NRXN2: variants seen among roughly 807,000 people sequenced by gnomAD.
NRXN2 encodes neurexin 2, also known as neurexin-2-beta.
In NRXN2, 29 loss-of-function variants were observed where a neutral mutation model predicts 128.8. The ratio of observed to expected loss-of-function variants is 0.23; its 90% confidence interval spans 0.17 to 0.31. NRXN2 has a LOEUF of 0.31. Among genes scored for constraint, NRXN2 ranks in the 10% least tolerant of loss-of-function variants. The pLI, the probability that NRXN2 is intolerant of heterozygous loss-of-function variation, is 1.00. For missense variants in NRXN2, 1,881 were observed against 2,452.6 expected (o/e 0.77, Z 4.92); for synonymous variants, 1,098 against 1,075.2 (o/e 1.02, Z -0.41).
rs1186006474 is a variant in NRXN2, at chr11:64,607,044, T to G, written c.*152A>C. ...AGGAGGAAGGGGGCGAGCACGGGGT[T>G]TTTCCTTTTCTTTTTTTGCGTTTCC... On this transcript the variant is annotated 3_prime_UTR_variant, in exon 23 of 23. Transcript: ENST00000265459. The G allele has an allele frequency of 1.9e-5, 15 of 810,562 alleles. No homozygotes were observed. The highest frequency in any genetic ancestry group is 3.7e-4 in the Middle Eastern group (1 of 2,698). The allele number at this position is 810,562 out of a possible 1,614,324, so 50.2% of individuals were successfully genotyped here. A position where few individuals can be genotyped will look rare whatever the true frequency, so the allele number is the denominator to read the frequency against.
Position 64,648,265 on chromosome 11 carries a change from G to A in NRXN2, c.3357C>T (p.Thr1119=). The A allele has an allele frequency of 6.2e-7, 1 of 1,614,226 alleles. No homozygotes were observed. The highest frequency in any genetic ancestry group is 8.5e-7 in the Non-Finnish European group (1 of 1,180,036). ...CATAGGAAGTCATGGTGCAGTCGCA[G>A]GTGAAGCCATCCCACTGCTGCAAGC... ...GVCLQQWDGF[T]CDCTMTSYGG... Residue 1119 remains threonine (T), a synonymous_variant, in exon 17 of 23, where the codon ACC becomes ACT. Coordinates refer to ENST00000265459, the MANE Select transcript of NRXN2 (RefSeq NM_015080.4). The surrounding 1 kb of genome is among the most constrained non-coding windows in gnomAD (Gnocchi z 4.1).
chr11:64,630,195 C>T lies in NRXN2; in HGVS notation c.3757+207G>A, dbSNP rs185449485. ...GGGCGCATTCGCACCACCACGGTCT[C>T]GCCCCGCCGCCACAAATCCCGACTT... On this transcript the variant is annotated intron_variant, in intron 19 of 22. Transcript: ENST00000265459. The surrounding 1 kb of genome is among the most constrained non-coding windows in gnomAD (Gnocchi z 4.6). 4.9e-3 allele frequency among the ~76,000 whole-genome samples: 750 copies of T among 152,172 alleles called. 4 individuals carry two copies. The highest frequency in any genetic ancestry group is 0.017 in the African/African-American group (711 of 41,522).
chr11:64,692,255 C>T (rs758786718), intron 4 of NRXN2, among the ~76,000 whole-genome samples: 1 of 152,084 alleles, frequency 6.6e-6, no homozygotes. Flanking sequence ...AGGGTGAAGG[C>T]GTGCGGGTGG....
rs989907911 is a variant in NRXN2, at chr11:64,622,391, T to C, written c.4173+362A>G. Among the ~76,000 whole-genome samples the C allele has an allele frequency of 3.9e-5, 6 of 152,160 alleles. No individual in the cohort carries two copies. Among genetic ancestry groups the C allele is most frequent in the African/African-American group, 1.4e-4 (6 of 41,424 alleles). On this transcript the variant is annotated intron_variant, in intron 21 of 22. Coordinates refer to ENST00000265459, the MANE Select transcript of NRXN2 (RefSeq NM_015080.4). This position sits in a 1 kb window ranked among gnomAD's most constrained non-coding sequence, Gnocchi z 4.3. ...CCCACACAGAACGCTAGGCATGGCC[T>C]TCACTGGGGAAGCAGAAGGAGCCAT...
rs1018850019 is a variant in NRXN2 at position 64,667,342 on chromosome 11, A to G, written c.1706T>C (p.Met569Thr). Residue 569 changes from methionine (M) to threonine (T), a missense_variant, in exon 9 of 23, where the codon ATG becomes ACG. By Grantham distance (81) the Met-to-Thr change is moderately conservative. This residue lies in a region of NRXN2 where 997 missense variants were observed against 1,240.8 expected (regional missense o/e 0.80). Transcript: ENST00000265459. The surrounding 1 kb of genome is among the most constrained non-coding windows in gnomAD (Gnocchi z 5.6). Reference sequence around the variant, plus strand: ...CCGCAGCTTGATGCCCCCAGATCCCATGTCCAGCAGAAGATAGAGGTGGCC... The same window carrying G: ...CCGCAGCTTGATGCCCCCAGATCCCGTGTCCAGCAGAAGATAGAGGTGGCC... ...LDGHLYLLLD[M>T]GSGGIKLRAS... 8 of 1,614,064 alleles carry G rather than the reference A, an allele frequency of 5.0e-6. No individual in the cohort carries two copies. Among genetic ancestry groups the G allele is most frequent in the Admixed American group, 3.3e-5 (2 of 60,004 alleles).
At chr11:64,663,180 G>A (rs2049298759) in intron 9 of NRXN2, among the ~76,000 whole-genome samples, 1 of 151,980 alleles carries the variant, frequency 6.6e-6, no homozygotes, top group African/African-American at 2.4e-5. Context: ...GACCAGCCTG[G>A]CCAACATGGT....
Position 64,667,311 on chromosome 11 carries a change from G to A in NRXN2, c.1737C>T (p.Ser579=). The part of the protein sequence containing the change: ...MGSGGIKLRA[S]SRKVNDGEWC... ...ACTCGCCATCATTGACCTTGCGGCT[G>A]GATGCCCGCAGCTTGATGCCCCCAG... The change falls in exon 9 of 23, where the codon TCC becomes TCT. Residue 579 remains serine (S), a synonymous_variant. Transcript: ENST00000265459. The surrounding 1 kb of genome is among the most constrained non-coding windows in gnomAD (Gnocchi z 5.6). The A allele has an allele frequency of 6.2e-7, 1 of 1,614,246 alleles. No homozygotes were observed. Among genetic ancestry groups the A allele is most frequent in the Non-Finnish European group, 8.5e-7 (1 of 1,180,056 alleles).
At chr11:64,620,664 A>G (rs1054504387) in intron 21 of NRXN2, among the ~76,000 whole-genome samples, 9 of 149,766 alleles carry the variant, frequency 6.0e-5, no homozygotes, top group African/African-American at 2.2e-4. Flanking sequence ...AGTGGACGCC[A>G]GACTTTGACC....
At chr11:64,639,923 CTG>C (rs905700181) in intron 17 of NRXN2, among the ~76,000 whole-genome samples, 4 of 152,130 alleles carry the variant, frequency 2.6e-5, no homozygotes, top group Non-Finnish European at 4.4e-5. Flanking sequence ...CAAGAAGAGC[CTG>C]TCTTTTCACC....
chr11:64,692,896 G>A lies in NRXN2; in HGVS notation c.749-20C>T, dbSNP rs754764293. The A allele has an allele frequency of 6.4e-7, 1 of 1,562,548 alleles. No homozygotes were observed. The highest frequency in any genetic ancestry group is 8.8e-7 in the Non-Finnish European group (1 of 1,139,032). On this transcript the variant is annotated intron_variant, in intron 3 of 22. Coordinates refer to ENST00000265459, the MANE Select transcript of NRXN2 (RefSeq NM_015080.4). ...CCGGACCTTGGAAAGGGGAAGGAGA[G>A]AAAGAAAGAAAGAAAAAAAGAAGAA...
At chr11:64,721,513 C>T (rs778500516) in intron 1 of NRXN2, among the ~76,000 whole-genome samples, 1 of 152,010 alleles carries the variant, frequency 6.6e-6, no homozygotes, top group Non-Finnish European at 1.5e-5. Flanking sequence ...CCAGCCACAC[C>T]TCAGATGCCA....
At chr11:64,627,489 T>G (rs2043238896) in intron 19 of NRXN2, among the ~76,000 whole-genome samples, 1 of 152,044 alleles carries the variant, frequency 6.6e-6, no homozygotes, top group South Asian at 2.1e-4. Context: ...GACCTCATCT[T>G]GCTCACCCTG....
Position 64,630,297 on chromosome 11 carries a change from C to A in NRXN2, c.3757+105G>T. On this transcript the variant is annotated intron_variant, in intron 19 of 22. Coordinates refer to ENST00000265459, the MANE Select transcript of NRXN2 (RefSeq NM_015080.4). The surrounding 1 kb of genome is among the most constrained non-coding windows in gnomAD (Gnocchi z 4.6). ...GTAGCCCCGCCCCAGAGCCGCTTAG[C>A]CCCGCCCCAGAGCCGCTTAGCCCCG... The A allele has an allele frequency of 5.4e-6, 6 of 1,119,490 alleles. No homozygotes were observed. In the South Asian group the frequency reaches 9.5e-5, roughly 18 times the overall value. The allele number at this position is 1,119,490 out of a possible 1,614,324, so 69.3% of individuals were successfully genotyped here. A position where few individuals can be genotyped will look rare whatever the true frequency, so the allele number is the denominator to read the frequency against.
rs752199053 is a variant in NRXN2 at position 64,607,795 on chromosome 11, A to G, written c.4540T>C (p.Tyr1514His). Residue 1514 changes from tyrosine to histidine, a missense_variant, in exon 23 of 23, where the codon TAC (tyrosine) becomes CAC (histidine). Around this residue, in one of 7 missense-constraint regions of NRXN2, gnomAD observed 310 missense variants for 318.2 expected, o/e 0.97. Coordinates refer to ENST00000265459, the MANE Select transcript of NRXN2 (RefSeq NM_015080.4). The stretch of plus-strand genomic sequence containing the variant: ...TCCGTGACCAGGGGAAAGGTGGTGT[A>G]AAAGTCCTCGTCGTCCGTGGGGGGG... ...SLPPTDDEDF[Y>H]TTFPLVTDRT... 6 of 1,600,574 alleles carry G rather than the reference A, an allele frequency of 3.7e-6. No individual in the cohort carries two copies. The highest frequency in any genetic ancestry group is 5.1e-6 in the Non-Finnish European group (6 of 1,174,174).
intron 22 of NRXN2, among the ~76,000 whole-genome samples, chr11:64,617,979 G>A (rs150416894): frequency 1.3e-5 from 2 of 152,258 alleles, no homozygotes; most frequent in Non-Finnish European, 2.9e-5. Context: ...TTAAAGCTGG[G>A]TGCTGGAATG....
In NRXN2 at chr11:64,722,963, C is replaced by A. The variant is rs1369745673; in HGVS notation, c.-245+8G>T. 105 of 53,524 alleles carry A rather than the reference C, an allele frequency of 2.0e-3. No homozygotes were observed. Among genetic ancestry groups the A allele is most frequent in the African/African-American group, 4.7e-3 (90 of 19,104 alleles). The allele number at this position is 53,524 out of a possible 1,614,324, so 3.3% of individuals were successfully genotyped here. ...CTCCGCCGCAGCGCCCCCCCCCCCCCATTTTACCTGGTTCTCGGGGCGCCA... is the reference window on the plus strand; with the variant it reads ...CTCCGCCGCAGCGCCCCCCCCCCCCAATTTTACCTGGTTCTCGGGGCGCCA... On this transcript the variant is annotated splice_region_variant and intron_variant, in intron 1 of 22. Coordinates refer to ENST00000265459, the MANE Select transcript of NRXN2 (RefSeq NM_015080.4).
chr11:64,608,928 A>G (rs943440614), intron 22 of NRXN2, among the ~76,000 whole-genome samples: 2 of 152,052 alleles, frequency 1.3e-5, no homozygotes, highest in Non-Finnish European at 2.9e-5. Context: ...AGGGATTGCT[A>G]CATGGGTGAG....
intron 22 of NRXN2, among the ~76,000 whole-genome samples, chr11:64,616,176 C>T (rs1379082239): frequency 6.6e-6 from 1 of 152,180 alleles, no homozygotes. Flanking sequence ...CCCTGTGAGT[C>T]TTACCCAGGT....
At chr11:64,680,426 G>A (rs552084924) in intron 6 of NRXN2, among the ~76,000 whole-genome samples, 40 of 152,250 alleles carry the variant, frequency 2.6e-4, no homozygotes, top group African/African-American at 9.4e-4. Flanking sequence ...ATCCAAGAAC[G>A]ACAGAAGCAC....
Sources: gnomAD v4.1 joint callset for allele counts (sites outside exome capture counted in the v4.1 genomes callset) on GRCh38, gnomAD v4.1.1 for gene constraint, gnomAD v4.1.1 regional missense constraint, Gnocchi (gnomAD v3.1) non-coding constraint, MANE v1.5 for transcripts, NCBI Gene and HGNC (gene_info 2026-07-23, HGNC 2026-07-21) for gene names.